NRXN1: variants seen among roughly 807,000 people sequenced by gnomAD.
NRXN1 encodes the protein neurexin 1.
Under a neutral mutation model 150.9 loss-of-function variants are expected in NRXN1, and 39 were observed. The observed-to-expected ratio is 0.26, with a 90% CI of 0.20 to 0.34. NRXN1 has a LOEUF of 0.34. Ranked by LOEUF, NRXN1 falls within the 10% of genes least tolerant of loss-of-function variation. The pLI, the probability that NRXN1 is intolerant of heterozygous loss-of-function variation, is 1.00. For missense variants in NRXN1, 1,815 were observed against 1,949.9 expected, an observed-to-expected ratio of 0.93 and a Z score of 1.30; for synonymous variants, 924 against 757.0, an observed-to-expected ratio of 1.22 and a Z score of -3.62.
At chr2:50,108,466 C>T (rs1008881726) in intron 18 of NRXN1, among the ~76,000 whole-genome samples, 10 of 152,014 alleles carry the variant, frequency 6.6e-5, no homozygotes, top group Non-Finnish European at 1.2e-4. Context: ...AACCTAAGGA[C>T]TCAAACTTGG....
chr2:50,293,002 A>G lies in NRXN1; in HGVS notation c.3365-56032T>C, dbSNP rs559016740. ...ATATAAAGTGACACTAATGCAACTT[A>G]AAGGAATAAAAACCTACTGAAGACA... On this transcript the variant is annotated intron_variant, in intron 17 of 22. Coordinates refer to ENST00000401669, the MANE Select transcript of NRXN1 (RefSeq NM_001330078.2). 6.6e-5 allele frequency among the ~76,000 whole-genome samples: 10 copies of G among 152,314 alleles called. No homozygotes were observed. In the South Asian group the frequency reaches 1.9e-3, roughly 28 times the overall value.
intron 21 of NRXN1, among the ~76,000 whole-genome samples, chr2:50,021,013 T>G (rs953786234): frequency 1.3e-5 from 2 of 152,206 alleles, no homozygotes; most frequent in African/African-American, 4.8e-5. Context: ...CATTAAAATT[T>G]TAATCTAGTC....
chr2:50,061,045 C>T (rs1694450875), intron 19 of NRXN1, among the ~76,000 whole-genome samples: 2 of 152,194 alleles, frequency 1.3e-5, no homozygotes, highest in South Asian at 2.1e-4. Flanking sequence ...AGCGACTAGG[C>T]CTATATTTTT....
chr2:50,173,711 T>C (rs913733131), intron 18 of NRXN1, among the ~76,000 whole-genome samples: 5 of 152,230 alleles, frequency 3.3e-5, no homozygotes, highest in Non-Finnish European at 7.3e-5. Context: ...TTATATTTTA[T>C]GTTAGCATTA....
chr2:51,018,939 A>G (rs929126808), intron 2 of NRXN1, among the ~76,000 whole-genome samples: 3 of 152,144 alleles, frequency 2.0e-5, no homozygotes, highest in Non-Finnish European at 2.9e-5. Flanking sequence ...GGAAGCAAAT[A>G]AACAAGCGTT....
intron 1 of NRXN1, among the ~76,000 whole-genome samples, chr2:51,031,036 G>T (rs184508310): frequency 6.6e-6 from 1 of 151,958 alleles, no homozygotes; most frequent in Non-Finnish European, 1.5e-5. Flanking sequence ...GAGAAAAACC[G>T]TAGAGCAATA....
intron 5 of NRXN1, among the ~76,000 whole-genome samples, chr2:50,817,434 A>G (rs1173578646): frequency 1.3e-5 from 2 of 152,058 alleles, no homozygotes; most frequent in South Asian, 2.1e-4. Flanking sequence ...ATAAAAAAAA[A>G]TAGTGCTAAT....
intron 17 of NRXN1, among the ~76,000 whole-genome samples, chr2:50,432,854 T>A (rs1017882330): frequency 6.6e-6 from 1 of 152,196 alleles, no homozygotes. Flanking sequence ...AACCAACAGC[T>A]ATACTCTCAT....
At chr2:51,004,757 G>C (rs1390934843) in intron 2 of NRXN1, among the ~76,000 whole-genome samples, 1 of 152,004 alleles carries the variant, frequency 6.6e-6, no homozygotes, top group Non-Finnish European at 1.5e-5. Context: ...ATTTTTCAAG[G>C]AGGGGAATGC....
intron 5 of NRXN1, among the ~76,000 whole-genome samples, chr2:50,681,893 T>G (rs1690463143): frequency 6.6e-6 from 1 of 152,194 alleles, no homozygotes; most frequent in South Asian, 2.1e-4. Context: ...GTTCTGATAT[T>G]TATTAGTTCT....
intron 17 of NRXN1, among the ~76,000 whole-genome samples, chr2:50,371,994 T>C (rs1198711105): frequency 1.3e-5 from 2 of 152,042 alleles, no homozygotes; most frequent in Admixed American, 1.3e-4. Context: ...ATTTCTTTCC[T>C]ATACCTTCTC....
At chr2:50,097,640 C>A (rs1476755636) in intron 18 of NRXN1, among the ~76,000 whole-genome samples, 2 of 151,622 alleles carry the variant, frequency 1.3e-5, no homozygotes, top group Non-Finnish European at 2.9e-5. Flanking sequence ...TTAGCCCAAA[C>A]ACTTTTTTTT....
At chr2:50,434,064 T>C (rs1333071775) in intron 17 of NRXN1, among the ~76,000 whole-genome samples, 8 of 138,044 alleles carry the variant, frequency 5.8e-5, no homozygotes, top group African/African-American at 2.2e-4. Context: ...TTTTTTTTTT[T>C]TTTTTTTTTT....
intron 18 of NRXN1, among the ~76,000 whole-genome samples, chr2:50,221,085 A>G (rs1254237061): frequency 6.6e-6 from 1 of 151,982 alleles, no homozygotes; most frequent in African/African-American, 2.4e-5. Context: ...GTATTGTTGT[A>G]TAGTTATCTG....
chr2:50,611,892 A>G (rs1470045902), intron 8 of NRXN1, among the ~76,000 whole-genome samples: 4 of 152,048 alleles, frequency 2.6e-5, no homozygotes, highest in Non-Finnish European at 5.9e-5. Context: ...TCTGAGAAAT[A>G]TTTCCTGCTG....
At chr2:49,972,020 C>T (rs939693515) in intron 21 of NRXN1, among the ~76,000 whole-genome samples, 42 of 152,022 alleles carry the variant, frequency 2.8e-4, no homozygotes, top group Admixed American at 2.6e-3. Flanking sequence ...AAGTGAGCTG[C>T]GGGCAACCCA....
At chr2:50,332,000 C>A (rs2076867996) in intron 17 of NRXN1, among the ~76,000 whole-genome samples, 1 of 151,994 alleles carries the variant, frequency 6.6e-6, no homozygotes, top group Non-Finnish European at 1.5e-5. Context: ...TCAGTAAACT[C>A]CTTAGGTGAT....
chr2:50,283,499 C>T (rs1184803031), intron 17 of NRXN1, among the ~76,000 whole-genome samples: 6 of 152,028 alleles, frequency 3.9e-5, no homozygotes, highest in African/African-American at 1.4e-4. Context: ...AATGTTAAGG[C>T]TTGAATTTGA....
intron 18 of NRXN1, among the ~76,000 whole-genome samples, chr2:50,229,820 G>GA (rs1240393808): frequency 3.3e-5 from 5 of 151,986 alleles, no homozygotes; most frequent in Non-Finnish European, 7.4e-5. Flanking sequence ...GTACGCTTTT[G>GA]AAAAATAGTT....
Sources: gnomAD v4.1 joint callset for allele counts (sites outside exome capture counted in the v4.1 genomes callset) on GRCh38, gnomAD v4.1.1 for gene constraint, MANE v1.5 for transcripts, NCBI Gene and HGNC (gene_info 2026-07-23, HGNC 2026-07-21) for gene names.